Variants in CPNE3 observed in about 807,000 individuals in gnomAD.
CPNE3 encodes copine-3.
CPNE3 carries 68 observed loss-of-function variants against 63.9 expected under a neutral mutation model. The observed-to-expected ratio is 1.06, with a 90% CI of 0.87 to 1.30. The LOEUF (loss-of-function observed/expected upper bound fraction) is 1.30, where lower values mean the gene tolerates loss of function less well. Among genes scored for constraint, CPNE3 ranks in the 50% most tolerant of loss-of-function variants. The pLI, the probability that CPNE3 is intolerant of heterozygous loss-of-function variation, is 0.00. For synonymous variants in CPNE3, 219 were observed against 197.5 expected (o/e 1.11, Z -0.91); for missense variants, 665 against 578.1 (o/e 1.15, Z -1.54).
In CPNE3 at chr8:86,554,877, C is replaced by T. The variant is rs756466722; in HGVS notation, c.1147C>T (p.Arg383Trp). The change falls in exon 15 of 17, where the codon CGG (arginine) becomes TGG (tryptophan). Residue 383 changes from arginine to tryptophan, a missense_variant. Physicochemically the swap from Arg to Trp is moderately radical, Grantham distance 101 (BLOSUM62 -3). Coordinates refer to ENST00000517490, the MANE Select transcript of CPNE3 (RefSeq NM_003909.5). ...AATCCAAGGCATTGTAGAGGCGTAT[C>T]GGTCTTGTCTTCCTCAGATAAAACT... ...NGIQGIVEAY[R>W]SCLPQIKLYG... 4.7e-5 allele frequency: 76 copies of T among 1,614,062 alleles called. No individual in the cohort carries two copies. In the East Asian group the frequency reaches 1.2e-3, roughly 25 times the overall value.
At chr8:86,526,088 G>A (rs1218135671) in intron 2 of CPNE3, among the ~76,000 whole-genome samples, 1 of 152,144 alleles carries the variant, frequency 6.6e-6, no homozygotes. Context: ...GGGTTCAACC[G>A]GGCGGTGGCG....
chr8:86,540,924 AAAG>A (rs1388850719), intron 8 of CPNE3, among the ~76,000 whole-genome samples: 1 of 152,202 alleles, frequency 6.6e-6, no homozygotes, highest in South Asian at 2.1e-4. Context: ...TTATTTAAAA[AAAG>A]AGTAAAAATA....
intron 2 of CPNE3, among the ~76,000 whole-genome samples, chr8:86,519,803 T>A (rs550566278): frequency 1.6e-4 from 25 of 152,330 alleles, no homozygotes; most frequent in African/African-American, 6.0e-4. Context: ...AACCTCCGCC[T>A]CCCTGGTTCA....
intron 14 of CPNE3, among the ~76,000 whole-genome samples, chr8:86,553,752 T>TG (rs1821245786): frequency 6.6e-6 from 1 of 150,662 alleles, no homozygotes; most frequent in Non-Finnish European, 1.5e-5. Flanking sequence ...ACATTAAGTT[T>TG]TTTTTTTTTT....
At chr8:86,532,458 T>C (rs753306602) in intron 5 of CPNE3, 51 bp from the exon 6 acceptor site, 3 of 1,385,580 alleles carry the variant, frequency 2.2e-6, no homozygotes, top group Non-Finnish European at 3.0e-6. Flanking sequence ...CTTAAGTGTC[T>C]ATCAGAATTC....
intron 3 of CPNE3, 123 bp from the exon 4 acceptor site, chr8:86,528,822 C>A: frequency 7.6e-7 from 1 of 1,309,072 alleles, no homozygotes; most frequent in Non-Finnish European, 1.0e-6. Context: ...TAGAATTTTT[C>A]ATACACATAT....
intron 2 of CPNE3, among the ~76,000 whole-genome samples, chr8:86,527,516 G>A (rs2131438280): frequency 6.6e-6 from 1 of 152,308 alleles, no homozygotes; most frequent in Middle Eastern, 3.4e-3. Flanking sequence ...CATAAGGGAA[G>A]ATGGGCCACA....
At position 86,558,674 on chromosome 8, in the gene CPNE3, A is replaced by G. The variant is rs1278742727; in HGVS notation, c.*264A>G. The G allele has an allele frequency of 2.7e-6, 1 of 368,572 alleles. No homozygotes were observed. Among genetic ancestry groups the G allele is most frequent in the Non-Finnish European group, 5.0e-6 (1 of 198,142 alleles). 22.8% of individuals were successfully genotyped at this position (368,572 alleles called of 1,614,324 possible). A position where few individuals can be genotyped will look rare whatever the true frequency, so the allele number is the denominator to read the frequency against. ...TTTGGATTAGAAATTAGTGTGGGGA[A>G]AGCTTATTCTGTTGTTGTTTTTGTT... On this transcript the variant is annotated 3_prime_UTR_variant, in exon 17 of 17. Transcript: ENST00000517490.
chr8:86,529,234 A>T (rs1820615795), intron 4 of CPNE3, 110 bp downstream of exon 4: 3 of 853,248 alleles, frequency 3.5e-6, no homozygotes, highest in Middle Eastern at 7.1e-4. Context: ...ACATGTAATC[A>T]CTTTAAAGAC....
intron 8 of CPNE3, among the ~76,000 whole-genome samples, chr8:86,541,328 A>G (rs111922856): frequency 2.6e-4 from 39 of 152,298 alleles, no homozygotes; most frequent in African/African-American, 9.1e-4. Flanking sequence ...AAGAATTTCT[A>G]CCTTCCAGAA....
In CPNE3 at chr8:86,531,234, AAAT is replaced by A; in HGVS notation, c.387+8_387+10del. 9.1e-7 allele frequency: 1 copy of A among 1,098,416 alleles called. No individual in the cohort carries two copies. Among genetic ancestry groups the A allele is most frequent in the Admixed American group, 1.7e-5 (1 of 59,384 alleles). The allele number at this position is 1,098,416 out of a possible 1,614,324, so 68.0% of individuals were successfully genotyped here. Reference sequence around the variant, plus strand: ...GCAGGAAAAGGGAGCATTACGGTAAAAATAAGATATTTGTCTTTTGTCTCAAAA... The same window carrying A: ...GCAGGAAAAGGGAGCATTACGGTAAAAAGATATTTGTCTTTTGTCTCAAAA... On this transcript the variant is annotated splice_donor_region_variant and intron_variant, in intron 5 of 16. Transcript: ENST00000517490.
chr8:86,554,814 T>A, intron 14 of CPNE3, 37 bp from the exon 15 acceptor site: 4 of 1,606,842 alleles, frequency 2.5e-6, no homozygotes, highest in Non-Finnish European at 3.4e-6. Context: ...TGCTTGAGAA[T>A]TTTTAGTACT....
chr8:86,526,224 T>C (rs184054970), intron 2 of CPNE3, among the ~76,000 whole-genome samples: 74 of 150,832 alleles, frequency 4.9e-4, no homozygotes, highest in African/African-American at 1.7e-3. Context: ...CAAGACTCCG[T>C]CTCAAAAAAA....
chr8:86,524,408 ATTAT>A (rs1446550897), intron 2 of CPNE3, among the ~76,000 whole-genome samples: 2 of 152,120 alleles, frequency 1.3e-5, no homozygotes, highest in African/African-American at 4.8e-5. Context: ...GACTGGGAGA[ATTAT>A]TGATATATTT....
At position 86,554,875 on chromosome 8, in the gene CPNE3, A is replaced by G; in HGVS notation, c.1145A>G (p.Tyr382Cys). 2 of 1,614,188 alleles carry G rather than the reference A, an allele frequency of 1.2e-6. No homozygotes were observed. The highest frequency in any genetic ancestry group is 1.1e-5 in the South Asian group (1 of 91,080). ...CNGIQGIVEA[Y>C]RSCLPQIKLY... ...GGAATCCAAGGCATTGTAGAGGCGTATCGGTCTTGTCTTCCTCAGATAAAA... is the reference window on the plus strand; with the variant it reads ...GGAATCCAAGGCATTGTAGAGGCGTGTCGGTCTTGTCTTCCTCAGATAAAA... Residue 382 changes from tyrosine to cysteine, a missense_variant, in exon 15 of 17, where the codon TAT becomes TGT. Physicochemically the swap from Tyr to Cys is radical, Grantham distance 194. Transcript: ENST00000517490.
At chr8:86,544,977 AT>A in intron 9 of CPNE3, 139 bp downstream of exon 9, 1 of 416,772 alleles carries the variant, frequency 2.4e-6, no homozygotes, top group South Asian at 5.8e-5. Flanking sequence ...ATGTTTAGTA[AT>A]CACATAATCC....
rs768889410 is a variant in CPNE3, at chr8:86,528,934, G to A, written c.133-11G>A. ...CTGAAGAAACTTTTTTGTTTTTGCG[G>A]ATGGGTGTAGGTTGAGCGCACAGAA... On this transcript the variant is annotated splice_polypyrimidine_tract_variant and intron_variant, in intron 3 of 16. Transcript: ENST00000517490. 1 of 1,590,448 alleles carries A rather than the reference G, an allele frequency of 6.3e-7. No homozygotes were observed. The highest frequency in any genetic ancestry group is 1.1e-5 in the South Asian group (1 of 88,178).
intron 2 of CPNE3, chr8:86,521,599 G>C (rs1357167959): frequency 6.6e-6 from 1 of 151,936 alleles, no homozygotes; most frequent in African/African-American, 2.4e-5. Context: ...ATTTTTACTT[G>C]ACAGCTAATT....
intron 5 of CPNE3, 30 bp from the exon 6 acceptor site, chr8:86,532,478 AT>A (rs773682584): frequency 7.7e-6 from 12 of 1,559,280 alleles, no homozygotes; most frequent in Non-Finnish European, 8.8e-7. Flanking sequence ...CCTAAAACAT[AT>A]TTTCTTTCAC....
Sources: gnomAD v4.1 joint callset for allele counts (sites outside exome capture counted in the v4.1 genomes callset) on GRCh38, gnomAD v4.1.1 for gene constraint, MANE v1.5 for transcripts, NCBI Gene and HGNC (gene_info 2026-07-23, HGNC 2026-07-21) for gene names.